Variants in NFAT5 observed in about 807,000 individuals in gnomAD.
The protein encoded by NFAT5 is nuclear factor of activated T-cells 5.
Under a neutral mutation model 166.5 loss-of-function variants are expected in NFAT5, and 31 were observed. The ratio of observed to expected loss-of-function variants is 0.19; its 90% CI spans 0.14 to 0.25. The LOEUF (loss-of-function observed/expected upper bound fraction) is 0.25, where lower values mean the gene tolerates loss of function less well. Among genes scored for constraint, NFAT5 ranks in the 10% least tolerant of loss-of-function variants. The pLI is 1.00. For synonymous variants in NFAT5, 612 were observed against 639.7 expected, an observed-to-expected ratio of 0.96 and a Z score of 0.65; for missense variants, 1,449 against 1,821.8, an observed-to-expected ratio of 0.80 and a Z score of 3.72.
chr16:69,582,160 G>C (rs1457012221), intron 2 of NFAT5, among the ~76,000 whole-genome samples: 1 of 152,156 alleles, frequency 6.6e-6, no homozygotes, highest in Non-Finnish European at 1.5e-5. Flanking sequence ...AGCTGCTCAG[G>C]AGGCTGAGGC....
chr16:69,587,481 C>T (rs981567129), intron 2 of NFAT5, among the ~76,000 whole-genome samples: 2 of 151,052 alleles, frequency 1.3e-5, no homozygotes, highest in Admixed American at 6.6e-5. Context: ...CTCCGCCCCC[C>T]TGTGTTCAAT....
rs2037897279 is a variant in NFAT5 at position 69,701,453 on chromosome 16, G to T, written c.*5102G>T. 6.6e-6 allele frequency: 1 copy of T among 152,514 alleles called. No homozygotes were observed. The highest frequency in any genetic ancestry group is 2.1e-4 in the South Asian group (1 of 4,816). The allele number at this position is 152,514 out of a possible 1,614,324, so 9.4% of individuals were successfully genotyped here. A position where few individuals can be genotyped will look rare whatever the true frequency, so the allele number is the denominator to read the frequency against. On this transcript the variant is annotated 3_prime_UTR_variant, in exon 15 of 15. Transcript: ENST00000349945. ...ACACATAAACAAATAGTTTCAGTAG[G>T]TCCCAGCTTTTACTTTTTCCATTTA... is the stretch of plus-strand genomic sequence containing the variant.
At chr16:69,672,237 A>G (rs1292925255) in intron 9 of NFAT5, among the ~76,000 whole-genome samples, 1 of 152,220 alleles carries the variant, frequency 6.6e-6, no homozygotes, top group Non-Finnish European at 1.5e-5. Flanking sequence ...GACTTAACAA[A>G]CATTCCTTTG....
intron 2 of NFAT5, among the ~76,000 whole-genome samples, chr16:69,601,113 C>G (rs1200727354): frequency 1.3e-5 from 2 of 152,026 alleles, no homozygotes; most frequent in South Asian, 4.1e-4. Context: ...ACACACACAC[C>G]CTTAAGCACT....
In NFAT5 at chr16:69,693,674, A is replaced by G. The variant is rs768420903; in HGVS notation, c.3849A>G (p.Gln1283=). 17 of 1,614,042 alleles carry G rather than the reference A, an allele frequency of 1.1e-5. No individual in the cohort carries two copies. In the African/African-American group the frequency reaches 2.1e-4, roughly 20 times the overall value. The change falls in exon 13 of 15, where the codon CAA becomes CAG. Residue 1283 remains glutamine (Q), a synonymous_variant. Transcript: ENST00000349945. ...AGCAGCAACAGCAGCAGCAACAACA[A>G]CAGAGCATTTTATTCAGTAATCAGA... The part of the protein sequence containing the change: ...QQQQQQQQQQ[Q]QSILFSNQNT...
intron 2 of NFAT5, among the ~76,000 whole-genome samples, chr16:69,607,070 C>A (rs2033450829): frequency 6.6e-6 from 1 of 152,064 alleles, no homozygotes; most frequent in South Asian, 2.1e-4. Flanking sequence ...AATAATAGTT[C>A]TAGGTGTGTT....
rs2037929845 is a variant in NFAT5 at position 69,703,363 on chromosome 16, A to G, written c.*7012A>G. 1 of 152,632 alleles carries G rather than the reference A, an allele frequency of 6.6e-6. No homozygotes were observed. The highest frequency in any genetic ancestry group is 2.1e-4 in the South Asian group (1 of 4,836). The allele number at this position is 152,632 out of a possible 1,614,324, so 9.5% of individuals were successfully genotyped here. A position where few individuals can be genotyped will look rare whatever the true frequency, so the allele number is the denominator to read the frequency against. On this transcript the variant is annotated 3_prime_UTR_variant, in exon 15 of 15. Coordinates refer to ENST00000349945, the MANE Select transcript of NFAT5 (RefSeq NM_138713.4). ...CTTATGTTTCAGACAAGAATTATTT[A>G]CTAAAATAAATAATAAACAAGATAA...
intron 10 of NFAT5, among the ~76,000 whole-genome samples, chr16:69,681,656 G>A (rs1312586748): frequency 1.3e-5 from 2 of 152,134 alleles, no homozygotes; most frequent in Non-Finnish European, 2.9e-5. Flanking sequence ...GGTGGCTCAC[G>A]CCTGTAATCC....
At chr16:69,652,858 A>G (rs2035730560) in intron 4 of NFAT5, among the ~76,000 whole-genome samples, 1 of 152,162 alleles carries the variant, frequency 6.6e-6, no homozygotes, top group Non-Finnish European at 1.5e-5. Flanking sequence ...GAATGCATAC[A>G]TGGAATTTTT....
At position 69,703,733 on chromosome 16, in the gene NFAT5, C is replaced by G. The variant is rs912437278; in HGVS notation, c.*7382C>G. ...AAACTGTTGGGAGCTGCTCTAGTTA[C>G]ATTCCTCCCTTCTTATTCCCTTTTT... On this transcript the variant is annotated 3_prime_UTR_variant, in exon 15 of 15. Coordinates refer to ENST00000349945, the MANE Select transcript of NFAT5 (RefSeq NM_138713.4). The G allele has an allele frequency of 2.0e-4, 30 of 152,554 alleles. No homozygotes were observed. The highest frequency in any genetic ancestry group is 1.2e-4 in the Non-Finnish European group (8 of 68,008). 9.5% of individuals were successfully genotyped at this position (152,554 alleles called of 1,614,324 possible).
intron 6 of NFAT5, among the ~76,000 whole-genome samples, chr16:69,656,640 C>T (rs2035892609): frequency 6.6e-6 from 1 of 151,858 alleles, no homozygotes; most frequent in Non-Finnish European, 1.5e-5. Flanking sequence ...TTAGTAGAGT[C>T]GGGGTTTCAC....
intron 10 of NFAT5, among the ~76,000 whole-genome samples, chr16:69,678,472 C>T (rs2036924524): frequency 6.6e-6 from 1 of 152,064 alleles, no homozygotes; most frequent in Non-Finnish European, 1.5e-5. Context: ...CTCGGCCTCC[C>T]AAAGTGCTGG....
intron 2 of NFAT5, among the ~76,000 whole-genome samples, chr16:69,583,002 G>A (rs562194465): frequency 6.6e-6 from 1 of 150,624 alleles, no homozygotes; most frequent in Non-Finnish European, 1.5e-5. Context: ...CATGAACATG[G>A]GATGTCTTTT....
At chr16:69,630,094 G>A (rs964478437) in intron 3 of NFAT5, among the ~76,000 whole-genome samples, 2 of 151,936 alleles carry the variant, frequency 1.3e-5, no homozygotes, top group Admixed American at 6.6e-5. Context: ...ACGCCACCAT[G>A]CCCAGCAAAT....
Position 69,600,258 on chromosome 16 carries a change from A to G in NFAT5, c.128-26145A>G, listed in dbSNP as rs543543382. Among the ~76,000 whole-genome samples, 7 of 152,354 alleles carry G rather than the reference A, an allele frequency of 4.6e-5. No homozygotes were observed. The South Asian group carries it at 6.2e-4, about 14-fold the overall frequency. ...GAATTCCTGAAAGCAGGAGTATTCA[A>G]TTGTGTCAGAAATTGGAAATAAATC... On this transcript the variant is annotated intron_variant, in intron 2 of 14. Transcript: ENST00000349945.
chr16:69,574,575 T>C (rs2016630600), intron 2 of NFAT5, among the ~76,000 whole-genome samples: 1 of 152,188 alleles, frequency 6.6e-6, no homozygotes, highest in Non-Finnish European at 1.5e-5. Flanking sequence ...AAAGGATATA[T>C]ATATTTAATC....
At chr16:69,586,035 A>T (rs1416459002) in intron 2 of NFAT5, among the ~76,000 whole-genome samples, 4 of 151,546 alleles carry the variant, frequency 2.6e-5, no homozygotes, top group African/African-American at 9.7e-5. Flanking sequence ...CTGCAATTAA[A>T]AATGCTTTCA....
Position 69,566,159 on chromosome 16 carries a change from C to A in NFAT5, c.-143C>A. ...CCTCGGTCCTCGGCCCAGTGGAAGT[C>A]ACTACCCTCGAGGAGGAGGCAGCGG... On this transcript the variant is annotated 5_prime_UTR_variant, in exon 1 of 15. Transcript: ENST00000349945. This position sits in a 1 kb window ranked among gnomAD's most constrained non-coding sequence, Gnocchi z 5.7. The A allele has an allele frequency of 1.5e-6, 1 of 647,004 alleles. No individual in the cohort carries two copies. The highest frequency in any genetic ancestry group is 2.6e-6 in the Non-Finnish European group (1 of 379,226). 40.1% of individuals were successfully genotyped at this position (647,004 alleles called of 1,614,324 possible). A position where few individuals can be genotyped will look rare whatever the true frequency, so the allele number is the denominator to read the frequency against.
In NFAT5 at chr16:69,693,643, A is replaced by G; in HGVS notation, c.3818A>G (p.Gln1273Arg). The change falls in exon 13 of 15, where the codon CAA becomes CGA. Residue 1273 changes from glutamine (Q) to arginine (R), a missense_variant. Around this residue, in one of 7 missense-constraint regions of NFAT5, gnomAD observed 891 missense variants for 993.0 expected, o/e 0.90. Transcript: ENST00000349945. ...TCCCAGGAACAGCAGCAGCAGCAGC[A>G]ACAGCAGCAGCAACAGCAGCAGCAA... ...SPSQEQQQQQ[Q>R]QQQQQQQQQQ... 1 of 1,613,114 alleles carries G rather than the reference A, an allele frequency of 6.2e-7. No individual in the cohort carries two copies. Among genetic ancestry groups the G allele is most frequent in the Non-Finnish European group, 8.5e-7 (1 of 1,179,362 alleles).
Sources: gnomAD v4.1 joint callset for allele counts (sites outside exome capture counted in the v4.1 genomes callset) on GRCh38, gnomAD v4.1.1 for gene constraint, gnomAD v4.1.1 regional missense constraint, Gnocchi (gnomAD v3.1) non-coding constraint, MANE v1.5 for transcripts, NCBI Gene and HGNC (gene_info 2026-07-23, HGNC 2026-07-21) for gene names.